Variants in PTPRD observed in about 807,000 individuals in gnomAD.
The protein encoded by PTPRD is receptor-type tyrosine-protein phosphatase delta.
PTPRD carries 34 observed loss-of-function variants against 214.5 expected under a neutral mutation model. The ratio of observed to expected loss-of-function variants is 0.16; its 90% CI spans 0.12 to 0.21. The LOEUF is 0.21. PTPRD is among the 10% of genes least tolerant of loss of function. The pLI is 1.00. For missense variants in PTPRD, 2,545 were observed against 2,398.7 expected, an observed-to-expected ratio of 1.06 and a Z score of -1.27; for synonymous variants, 1,128 against 845.7, an observed-to-expected ratio of 1.33 and a Z score of -5.79.
chr9:8,515,268 T>C (rs1169787884), intron 21 of PTPRD, among the ~76,000 whole-genome samples: 1 of 152,236 alleles, frequency 6.6e-6, no homozygotes, highest in Non-Finnish European at 1.5e-5. Context: ...TAATTCCACA[T>C]CTGCCTAATT....
At chr9:9,242,073 G>A (rs940313050) in intron 9 of PTPRD, among the ~76,000 whole-genome samples, 1 of 152,018 alleles carries the variant, frequency 6.6e-6, no homozygotes, top group Non-Finnish European at 1.5e-5. Flanking sequence ...TTGCTTGTCT[G>A]TAAAGGATTT....
intron 11 of PTPRD, among the ~76,000 whole-genome samples, chr9:8,774,763 A>G (rs1285700805): frequency 6.6e-6 from 1 of 151,914 alleles, no homozygotes; most frequent in Non-Finnish European, 1.5e-5. Flanking sequence ...CAAACTCCCA[A>G]CCTCAGGTGA....
At chr9:9,836,297 C>A (rs938499258) in intron 5 of PTPRD, among the ~76,000 whole-genome samples, 2 of 152,138 alleles carry the variant, frequency 1.3e-5, no homozygotes, top group Non-Finnish European at 1.5e-5. Flanking sequence ...ATGGAGGAAA[C>A]TTTTAATATC....
At chr9:9,414,283 T>C (rs1439054564) in intron 8 of PTPRD, among the ~76,000 whole-genome samples, 5 of 152,236 alleles carry the variant, frequency 3.3e-5, no homozygotes, top group Non-Finnish European at 7.3e-5. Flanking sequence ...TAAATTAACC[T>C]CTCACTGTGT....
At chr9:8,550,019 C>G (rs2140672420) in intron 14 of PTPRD, among the ~76,000 whole-genome samples, 1 of 152,182 alleles carries the variant, frequency 6.6e-6, no homozygotes, top group East Asian at 1.9e-4. Context: ...TTAACTTGAA[C>G]TGAACCAAGC....
At chr9:8,975,561 G>C (rs1279144418) in intron 11 of PTPRD, among the ~76,000 whole-genome samples, 1 of 151,810 alleles carries the variant, frequency 6.6e-6, no homozygotes, top group African/African-American at 2.4e-5. Flanking sequence ...TTATATTAAT[G>C]ACAATTTCAG....
chr9:8,673,708 A>G (rs140883651), intron 12 of PTPRD, among the ~76,000 whole-genome samples: 1 of 152,162 alleles, frequency 6.6e-6, no homozygotes, highest in Non-Finnish European at 1.5e-5. Flanking sequence ...GCAAAGCAGC[A>G]CCAGTATTTT....
Position 8,485,313 on chromosome 9 carries a change from T to G in PTPRD, c.3067A>C (p.Asn1023His). ...TLPVDQVFAK[N>H]FHVKAVMKTS... Reference sequence around the variant, plus strand: ...TTCATTACTGCTTTGACATGAAAATTTTTTGCAAACACTGCTGGAAAAGGA... The same window carrying G: ...TTCATTACTGCTTTGACATGAAAATGTTTTGCAAACACTGCTGGAAAAGGA... The change falls in exon 29 of 46, where the codon AAT becomes CAT. Residue 1023 changes from asparagine (N) to histidine (H), a missense_variant. By Grantham distance (68) the Asn-to-His change is moderately conservative (BLOSUM62 1). Coordinates refer to ENST00000381196, the MANE Select transcript of PTPRD (RefSeq NM_002839.4). The G allele has an allele frequency of 2.5e-6, 4 of 1,613,934 alleles. No individual in the cohort carries two copies. The highest frequency in any genetic ancestry group is 2.5e-6 in the Non-Finnish European group (3 of 1,179,910).
At chr9:9,936,903 T>G (rs549184270) in intron 5 of PTPRD, among the ~76,000 whole-genome samples, 6 of 146,640 alleles carry the variant, frequency 4.1e-5, no homozygotes, top group Non-Finnish European at 5.9e-5. Context: ...CCATAAAAAA[T>G]GATGAGTTCA....
intron 7 of PTPRD, among the ~76,000 whole-genome samples, chr9:9,691,704 G>A (rs1433115994): frequency 6.6e-6 from 1 of 151,982 alleles, no homozygotes; most frequent in Non-Finnish European, 1.5e-5. Context: ...CCTACAAACT[G>A]TTCTCCATAG....
intron 3 of PTPRD, among the ~76,000 whole-genome samples, chr9:10,041,668 A>G (rs1255994943): frequency 1.3e-5 from 2 of 152,010 alleles, no homozygotes; most frequent in African/African-American, 4.8e-5. Flanking sequence ...TATCAATGTT[A>G]TGAAAATGTC....
intron 2 of PTPRD, among the ~76,000 whole-genome samples, chr9:10,486,565 C>A (rs1010622308): frequency 1.3e-5 from 2 of 151,852 alleles, no homozygotes; most frequent in African/African-American, 4.8e-5. Context: ...CTTTATTGGC[C>A]CATTGGTAAT....
intron 11 of PTPRD, among the ~76,000 whole-genome samples, chr9:8,991,218 C>CAAA (rs575292337): frequency 1.7e-5 from 1 of 57,412 alleles, no homozygotes. Context: ...CACTCTGTCT[C>CAAA]AAAAAAAAAA....
chr9:9,577,603 T>A (rs1043159858), intron 7 of PTPRD, among the ~76,000 whole-genome samples: 6 of 151,998 alleles, frequency 3.9e-5, no homozygotes, highest in African/African-American at 1.5e-4. Flanking sequence ...GGAGTTTATT[T>A]TAACACGATG....
intron 8 of PTPRD, among the ~76,000 whole-genome samples, chr9:9,526,486 G>A (rs1202562825): frequency 6.6e-6 from 1 of 152,106 alleles, no homozygotes; most frequent in Non-Finnish European, 1.5e-5. Flanking sequence ...ATTACTACGA[G>A]TCTATGTAAG....
At chr9:9,401,799 T>A in intron 8 of PTPRD, among the ~76,000 whole-genome samples, 1 of 151,922 alleles carries the variant, frequency 6.6e-6, no homozygotes, top group East Asian at 1.9e-4. Flanking sequence ...GTGAGTGAGT[T>A]CTCACGAGAT....
intron 2 of PTPRD, among the ~76,000 whole-genome samples, chr9:10,427,158 G>C (rs1396774553): frequency 6.6e-6 from 1 of 151,936 alleles, no homozygotes; most frequent in African/African-American, 2.4e-5. Flanking sequence ...TAAAACAACA[G>C]CCTCTACTTT....
intron 9 of PTPRD, among the ~76,000 whole-genome samples, chr9:9,207,943 G>A (rs938458067): frequency 1.3e-5 from 2 of 149,114 alleles, no homozygotes; most frequent in Non-Finnish European, 3.0e-5. Flanking sequence ...TAGTGAAAAA[G>A]GAAAGGAAGA....
At chr9:8,971,582 T>G (rs2099238671) in intron 11 of PTPRD, among the ~76,000 whole-genome samples, 2 of 151,752 alleles carry the variant, frequency 1.3e-5, no homozygotes, top group Admixed American at 6.6e-5. Context: ...TCAATGAACA[T>G]GATCTATAAT....
Sources: allele counts gnomAD v4.1 joint callset (sites outside exome capture counted in the v4.1 genomes callset), GRCh38; gene constraint gnomAD v4.1.1; transcripts MANE v1.5; gene names NCBI Gene and HGNC (gene_info 2026-07-23, HGNC 2026-07-21).